The following GALNT13 variants were observed in gnomAD, a reference collection of about 807,000 sequenced individuals.
The protein encoded by GALNT13 is UDP-GalNAc:polypeptide N-acetylgalactosaminyltransferase 13.
Under a neutral mutation model 64.2 loss-of-function variants are expected in GALNT13, and 28 were observed. The observed-to-expected ratio is 0.44, with a 90% confidence interval of 0.32 to 0.60. The LOEUF is 0.60. GALNT13 is among the 20% of genes least tolerant of loss of function. The pLI is 0.05. For synonymous variants in GALNT13, 214 were observed against 224.6 expected (o/e 0.95, Z 0.42); for missense variants, 577 against 669.8 (o/e 0.86, Z 1.53).
chr2:153,672,086 C>T, the GALNT13 span, among the ~76,000 whole-genome samples: 4 of 152,118 alleles, frequency 2.6e-5, no homozygotes, highest in Admixed American at 2.0e-4. Context: ...GACTTAGAAT[C>T]CCACACAATA....
At chr2:153,504,381 C>G in the GALNT13 span, among the ~76,000 whole-genome samples, 152 of 152,282 alleles carry the variant, frequency 1.0e-3, no homozygotes, top group African/African-American at 3.4e-3. Flanking sequence ...TGATTTCTTT[C>G]TCTTGTCTGA....
the GALNT13 span, among the ~76,000 whole-genome samples, chr2:153,181,706 A>G: frequency 6.9e-6 from 1 of 145,716 alleles, no homozygotes; most frequent in Non-Finnish European, 1.5e-5. Flanking sequence ...TATATTACAT[A>G]AATATAATTA....
intron 4 of GALNT13, among the ~76,000 whole-genome samples, chr2:154,165,294 G>T (rs1684965747): frequency 6.6e-6 from 1 of 152,092 alleles, no homozygotes; most frequent in South Asian, 2.1e-4. Context: ...TCAATAATTT[G>T]AAGGAACCAT....
the GALNT13 span, among the ~76,000 whole-genome samples, chr2:153,611,347 C>T: frequency 2.8e-4 from 42 of 152,084 alleles, no homozygotes; most frequent in East Asian, 3.9e-4. Flanking sequence ...AGGCCCCTGC[C>T]CCCCCGTCCG....
At chr2:153,178,588 A>T in the GALNT13 span, among the ~76,000 whole-genome samples, 1 of 152,064 alleles carries the variant, frequency 6.6e-6, no homozygotes, top group Admixed American at 6.6e-5. Context: ...TTGAATTCCT[A>T]ATATATATTG....
the GALNT13 span, among the ~76,000 whole-genome samples, chr2:153,660,794 C>A: frequency 6.6e-6 from 1 of 151,900 alleles, no homozygotes; most frequent in African/African-American, 2.4e-5. Context: ...GAGAAAAGAG[C>A]AAGAGGTAGA....
chr2:153,600,304 A>G, the GALNT13 span, among the ~76,000 whole-genome samples: 2 of 151,924 alleles, frequency 1.3e-5, no homozygotes, highest in Middle Eastern at 3.4e-3. Flanking sequence ...ATAACATGCA[A>G]TTTTATTTTT....
chr2:153,280,359 A>T, the GALNT13 span, among the ~76,000 whole-genome samples: 1 of 152,118 alleles, frequency 6.6e-6, no homozygotes, highest in South Asian at 2.1e-4. Context: ...TGGGTCTCAA[A>T]TTCATTTAGT....
chr2:153,998,791 T>C (rs1253684795), intron 3 of GALNT13, among the ~76,000 whole-genome samples: 1 of 152,178 alleles, frequency 6.6e-6, no homozygotes, highest in Non-Finnish European at 1.5e-5. Context: ...TTTAAGTCTG[T>C]ACTCCATCTT....
chr2:154,272,439 A>G (rs73965420), intron 8 of GALNT13, among the ~76,000 whole-genome samples: 19 of 152,194 alleles, frequency 1.2e-4, no homozygotes, highest in African/African-American at 4.1e-4. Flanking sequence ...TTTGAGAAAC[A>G]TACTTCATTG....
At chr2:153,770,213 C>A in the GALNT13 span, among the ~76,000 whole-genome samples, 2 of 120,254 alleles carry the variant, frequency 1.7e-5, no homozygotes, top group Non-Finnish European at 3.2e-5. Flanking sequence ...TAATTTATCT[C>A]CCCTTATTTT....
At chr2:154,389,147 G>T (rs1698659295) in intron 9 of GALNT13, among the ~76,000 whole-genome samples, 1 of 152,102 alleles carries the variant, frequency 6.6e-6, no homozygotes, top group Admixed American at 6.6e-5. Context: ...TGGGGGGGTG[G>T]TTTTTTGAGA....
the GALNT13 span, among the ~76,000 whole-genome samples, chr2:153,198,597 A>T: frequency 5.3e-5 from 8 of 152,204 alleles, no homozygotes; most frequent in African/African-American, 1.9e-4. Context: ...CTAGTCAGCC[A>T]TCTGGCACCC....
intron 1 of GALNT13, among the ~76,000 whole-genome samples, chr2:153,898,875 AT>A (rs1386346527): frequency 2.6e-3 from 378 of 145,746 alleles, no homozygotes; most frequent in African/African-American, 8.6e-3. Flanking sequence ...AAAAAAAAAA[AT>A]GATGGCAATT....
chr2:153,965,810 A>C (rs1166754069), intron 3 of GALNT13, among the ~76,000 whole-genome samples: 22 of 150,878 alleles, frequency 1.5e-4, no homozygotes, highest in African/African-American at 3.1e-4. Flanking sequence ...CAAAAAAAAA[A>C]CCCAAAAACT....
At chr2:153,251,615 C>G in the GALNT13 span, among the ~76,000 whole-genome samples, 7 of 108,188 alleles carry the variant, frequency 6.5e-5, no homozygotes, top group Non-Finnish European at 1.8e-5. Context: ...TGCCATCCCT[C>G]CCCCCTCCCC....
chr2:153,540,117 G>T, the GALNT13 span, among the ~76,000 whole-genome samples: 1 of 152,324 alleles, frequency 6.6e-6, no homozygotes, highest in South Asian at 2.1e-4. Context: ...GGCCTACGAG[G>T]AATAAATCGG....
intron 12 of GALNT13, among the ~76,000 whole-genome samples, chr2:154,447,025 TTGA>T (rs1399571200): frequency 3.3e-5 from 5 of 151,746 alleles, no homozygotes; most frequent in Non-Finnish European, 7.4e-5. Context: ...ATAAATATAC[TTGA>T]TGAACGATAT....
chr2:153,729,722 A>C, the GALNT13 span, among the ~76,000 whole-genome samples: 8 of 152,054 alleles, frequency 5.3e-5, no homozygotes, highest in African/African-American at 1.9e-4. Flanking sequence ...CTTATACCTA[A>C]AAAATCCTAA....
Sources: gnomAD v4.1 joint callset for allele counts (sites outside exome capture counted in the v4.1 genomes callset) on GRCh38, gnomAD v4.1.1 for gene constraint, MANE v1.5 for transcripts, NCBI Gene and HGNC (gene_info 2026-07-23, HGNC 2026-07-21) for gene names.